The following KCNH7 variants were observed in gnomAD, a reference collection of about 807,000 sequenced individuals.
The protein encoded by KCNH7 is potassium voltage-gated channel subfamily H member 7, also known as voltage-gated inwardly rectifying potassium channel KCNH7.
KCNH7 carries 49 observed loss-of-function variants against 120.8 expected under a neutral mutation model. That is an observed-to-expected ratio of 0.41 (90% CI 0.32 to 0.51). The LOEUF (loss-of-function observed/expected upper bound fraction) is 0.51. KCNH7 is among the 20% of genes least tolerant of loss of function. KCNH7 has a pLI of 0.38. For synonymous variants in KCNH7, 547 were observed against 516.1 expected (o/e 1.06, Z -0.81); for missense variants, 1,097 against 1,446.6 (o/e 0.76, Z 3.92).
chr2:162,588,030 A>G (rs1694077229), intron 2 of KCNH7, among the ~76,000 whole-genome samples: 1 of 152,088 alleles, frequency 6.6e-6, no homozygotes, highest in Non-Finnish European at 1.5e-5. Context: ...GAATAGGAAT[A>G]CTAGTGGCAT....
chr2:162,735,387 A>T (rs1251663104), intron 2 of KCNH7, among the ~76,000 whole-genome samples: 2 of 152,160 alleles, frequency 1.3e-5, no homozygotes. Flanking sequence ...AAGCATAGTT[A>T]AAAAATAACC....
chr2:162,400,891 G>A (rs1687046846), intron 9 of KCNH7, among the ~76,000 whole-genome samples: 1 of 151,932 alleles, frequency 6.6e-6, no homozygotes, highest in Non-Finnish European at 1.5e-5. Context: ...GTTATAATTA[G>A]TAAAAATGTT....
Position 162,446,181 on chromosome 2 carries a change from A to G in KCNH7, c.1391T>C (p.Ile464Thr). 6.2e-7 allele frequency: 1 copy of G among 1,613,672 alleles called. No individual in the cohort carries two copies. Among genetic ancestry groups the G allele is most frequent in the Non-Finnish European group, 8.5e-7 (1 of 1,179,674 alleles). ...VDLIVDIMFI[I>T]DILINFRTTY... ...TGTTCTGAAGTTTATTAAAATATCT[A>G]TGATAAACATAATATCCACAATCAA... The change falls in exon 7 of 16, where the codon ATA becomes ACA. Residue 464 changes from isoleucine (I) to threonine (T), a missense_variant. Transcript: ENST00000332142.
At chr2:162,598,025 T>C (rs1694435088) in intron 2 of KCNH7, among the ~76,000 whole-genome samples, 1 of 152,044 alleles carries the variant, frequency 6.6e-6, no homozygotes, top group African/African-American at 2.4e-5. Context: ...GCCAATCTCT[T>C]GTCATTTTGC....
intron 4 of KCNH7, 152 bp from the exon 5 acceptor site, chr2:162,512,826 TCCA>T (rs1163518298): frequency 1.7e-5 from 10 of 589,606 alleles, no homozygotes; most frequent in Admixed American, 3.2e-5. Flanking sequence ...TTTGTACTAT[TCCA>T]CCAAGTAACA....
In KCNH7 at chr2:162,752,919, A is replaced by AAAAGAAAAGG. The variant is rs1372904048; in HGVS notation, c.307+83617_307+83618insCCTTTTCTTT. On this transcript the variant is annotated intron_variant, in intron 2 of 15. Coordinates refer to ENST00000332142, the MANE Select transcript of KCNH7 (RefSeq NM_033272.4). ...ACATCTCAGAAAAAGAAAAGAAAAG[A>AAAAGAAAAGG]AAAGAAAAGAAAAGAAAAGAAAAGA... 7.9e-5 allele frequency among the ~76,000 whole-genome samples: 5 copies of AAAAGAAAAGG among 63,076 alleles called. No homozygotes were observed. The East Asian group carries it at 2.9e-3, about 36-fold the overall frequency. 41.4% of individuals were successfully genotyped at this position (63,076 alleles called of 152,430 possible).
Position 162,371,857 on chromosome 2 carries a change from A to G in KCNH7, c.3563T>C (p.Val1188Ala). The G allele has an allele frequency of 6.2e-7, 1 of 1,611,200 alleles. No homozygotes were observed. The highest frequency in any genetic ancestry group is 8.5e-7 in the Non-Finnish European group (1 of 1,177,558). ...TTTCCCTGGAAGACCAGGATCAGAAACATGCCTATGAAGACCCACGATTCC... is the reference window on the plus strand; with the variant it reads ...TTTCCCTGGAAGACCAGGATCAGAAGCATGCCTATGAAGACCCACGATTCC... ...TVGIVGLHRH[V>A]SDPGLPGK The change falls in exon 16 of 16, where the codon GTT becomes GCT. Residue 1188 changes from valine (V) to alanine (A), a missense_variant. Coordinates refer to ENST00000332142, the MANE Select transcript of KCNH7 (RefSeq NM_033272.4).
At chr2:162,458,353 T>C (rs1180163119) in intron 6 of KCNH7, among the ~76,000 whole-genome samples, 2 of 152,158 alleles carry the variant, frequency 1.3e-5, no homozygotes, top group East Asian at 3.8e-4. Context: ...TTAAAAAATA[T>C]AGTTTCTTCC....
rs58710467 is a variant in KCNH7, at chr2:162,561,052, CTTT to C, written c.308-23975_308-23973del. 5.8e-3 allele frequency among the ~76,000 whole-genome samples: 862 copies of C among 148,432 alleles called. 9 individuals are homozygous for C. The highest frequency in any genetic ancestry group is 0.02 in the African/African-American group (812 of 40,654). On this transcript the variant is annotated intron_variant, in intron 2 of 15. Coordinates refer to ENST00000332142, the MANE Select transcript of KCNH7 (RefSeq NM_033272.4). ...ATTGAAAATACAGAAATGAAATAAC[CTTT>C]TTTTTTTTTTACTATCTGGAAATGT...
chr2:162,758,928 G>C (rs1209872160), intron 2 of KCNH7, among the ~76,000 whole-genome samples: 1 of 152,122 alleles, frequency 6.6e-6, no homozygotes, highest in African/African-American at 2.4e-5. Flanking sequence ...GGAAAAATCA[G>C]TTATTATTTG....
intron 6 of KCNH7, among the ~76,000 whole-genome samples, chr2:162,456,471 A>G (rs1234879965): frequency 6.6e-6 from 1 of 152,132 alleles, no homozygotes; most frequent in Non-Finnish European, 1.5e-5. Context: ...ACTGAGAAGA[A>G]TGTATATTCT....
At chr2:162,540,300 T>C (rs1328456173) in intron 2 of KCNH7, among the ~76,000 whole-genome samples, 3 of 152,052 alleles carry the variant, frequency 2.0e-5, no homozygotes, top group African/African-American at 7.2e-5. Flanking sequence ...TATCCACATT[T>C]TCTCCCCTGA....
chr2:162,806,349 T>C (rs558086648), intron 2 of KCNH7, among the ~76,000 whole-genome samples: 11 of 152,320 alleles, frequency 7.2e-5, no homozygotes, highest in Non-Finnish European at 8.8e-5. Flanking sequence ...AGCTTTTGGA[T>C]GAAGATAATA....
chr2:162,704,887 A>C (rs1253329246), intron 2 of KCNH7, among the ~76,000 whole-genome samples: 1 of 152,210 alleles, frequency 6.6e-6, no homozygotes, highest in Non-Finnish European at 1.5e-5. Flanking sequence ...GAAGAAATTC[A>C]GGGGAATTTC....
chr2:162,724,267 A>G (rs1278648415), intron 2 of KCNH7, among the ~76,000 whole-genome samples: 1 of 152,224 alleles, frequency 6.6e-6, no homozygotes, highest in Non-Finnish European at 1.5e-5. Context: ...AACCACAGAA[A>G]GTGCCAATTA....
rs747262601 is a variant in KCNH7 at position 162,492,039 on chromosome 2, G to A, written c.1128+12404C>T. On this transcript the variant is annotated intron_variant, in intron 6 of 15. Transcript: ENST00000332142. ...TAGCTTAAATGAGCTCAGGGGAAGG[G>A]AACCCAGAAGCCTGACATGCCCCGA... is the stretch of plus-strand genomic sequence containing the variant. 5.9e-5 allele frequency among the ~76,000 whole-genome samples: 9 copies of A among 152,116 alleles called. No individual in the cohort carries two copies. The South Asian group carries it at 1.2e-3, about 21-fold the overall frequency.
At chr2:162,687,326 AC>A (rs1362848899) in intron 2 of KCNH7, among the ~76,000 whole-genome samples, 20 of 152,142 alleles carry the variant, frequency 1.3e-4, no homozygotes, top group Non-Finnish European at 2.9e-4. Context: ...AATTTTCAGG[AC>A]TTTTGCAGGA....
rs139175082 is a variant in KCNH7, at chr2:162,580,566, T to C, written c.308-43486A>G. Among the ~76,000 whole-genome samples the C allele has an allele frequency of 3.1e-3, 466 of 152,214 alleles. 2 individuals are homozygous for C. Among genetic ancestry groups the C allele is most frequent in the African/African-American group, 0.011 (444 of 41,562 alleles). On this transcript the variant is annotated intron_variant, in intron 2 of 15. Coordinates refer to ENST00000332142, the MANE Select transcript of KCNH7 (RefSeq NM_033272.4). ...TTTAATTCACTTCAATTTTGTTTGA[T>C]GCAACTCAATCCAACATTTTAAAAT...
intron 2 of KCNH7, among the ~76,000 whole-genome samples, chr2:162,682,386 T>C (rs2105314726): frequency 6.6e-6 from 1 of 150,760 alleles, no homozygotes; most frequent in Non-Finnish European, 1.5e-5. Flanking sequence ...ACCGATTCAT[T>C]AATAAGTCTA....
Sources: gnomAD v4.1 joint callset for allele counts (sites outside exome capture counted in the v4.1 genomes callset) on GRCh38, gnomAD v4.1.1 for gene constraint, MANE v1.5 for transcripts, NCBI Gene and HGNC (gene_info 2026-07-23, HGNC 2026-07-21) for gene names.